The following DPP6 variants were observed in gnomAD, a reference collection of about 807,000 sequenced individuals.
DPP6 encodes the protein A-type potassium channel modulatory protein DPP6.
In DPP6, 69 loss-of-function variants were observed where a neutral mutation model predicts 122.6. That is an observed-to-expected ratio of 0.56 (90% CI 0.46 to 0.69). DPP6 has a LOEUF of 0.69. Ranked by LOEUF, DPP6 falls within the 30% of genes least tolerant of loss-of-function variation. The pLI is 0.00. For synonymous variants in DPP6, 418 were observed against 433.1 expected, an observed-to-expected ratio of 0.97 and a Z score of 0.43; for missense variants, 928 against 1,116.9, an observed-to-expected ratio of 0.83 and a Z score of 2.41.
chr7:154,830,326 G>C (rs1262099091), intron 16 of DPP6, among the ~76,000 whole-genome samples: 1 of 152,224 alleles, frequency 6.6e-6, no homozygotes, highest in East Asian at 1.9e-4. Flanking sequence ...GGAAGAGGCA[G>C]AGCCGGGGCC....
At chr7:154,165,425 GT>G (rs1481011465) in intron 1 of DPP6, among the ~76,000 whole-genome samples, 1 of 148,218 alleles carries the variant, frequency 6.7e-6, no homozygotes, top group Non-Finnish European at 1.5e-5. Flanking sequence ...ATTTGGGTTG[GT>G]TCCAAGTCTT....
At chr7:154,281,456 G>A (rs753410560) in intron 1 of DPP6, among the ~76,000 whole-genome samples, 3 of 152,088 alleles carry the variant, frequency 2.0e-5, no homozygotes, top group African/African-American at 7.2e-5. Flanking sequence ...TAAGTCCCAC[G>A]CCTCTGTTTC....
intron 16 of DPP6, among the ~76,000 whole-genome samples, chr7:154,851,350 A>T (rs1222568698): frequency 6.6e-6 from 1 of 152,246 alleles, no homozygotes; most frequent in African/African-American, 2.4e-5. Flanking sequence ...CATGCCTTTT[A>T]CTTAGTAGGC....
At chr7:153,758,381 A>G in the DPP6 span, among the ~76,000 whole-genome samples, 1 of 152,334 alleles carries the variant, frequency 6.6e-6, no homozygotes, top group African/African-American at 2.4e-5. Flanking sequence ...TTGACTGTGC[A>G]TATTTAGAAT....
At chr7:154,775,923 C>T (rs1208615670) in intron 10 of DPP6, among the ~76,000 whole-genome samples, 1 of 152,110 alleles carries the variant, frequency 6.6e-6, no homozygotes, top group Admixed American at 6.5e-5. Context: ...TTCCAGGATC[C>T]CCGGCCTCCT....
At chr7:154,507,429 C>T (rs1362352988) in intron 3 of DPP6, among the ~76,000 whole-genome samples, 1 of 152,054 alleles carries the variant, frequency 6.6e-6, no homozygotes, top group Non-Finnish European at 1.5e-5. Flanking sequence ...TAATGCTCTC[C>T]CTCCCCTTGC....
intron 1 of DPP6, among the ~76,000 whole-genome samples, chr7:154,384,717 T>C (rs1000143517): frequency 8.7e-5 from 10 of 114,334 alleles, no homozygotes; most frequent in Admixed American, 1.9e-4. Context: ...TAAGTTCTTT[T>C]TTTCTTTCTT....
intron 7 of DPP6, among the ~76,000 whole-genome samples, chr7:154,724,836 G>T (rs1453373771): frequency 6.6e-6 from 1 of 152,188 alleles, no homozygotes; most frequent in African/African-American, 2.4e-5. Flanking sequence ...GAAAGGTTCT[G>T]CAGATGGATG....
At chr7:154,728,701 C>G (rs941292215) in intron 8 of DPP6, among the ~76,000 whole-genome samples, 1 of 152,166 alleles carries the variant, frequency 6.6e-6, no homozygotes, top group African/African-American at 2.4e-5. Context: ...AGCTCTGAAG[C>G]CTGGGAAGTC....
the DPP6 span, among the ~76,000 whole-genome samples, chr7:153,777,056 A>G: frequency 6.6e-6 from 1 of 152,248 alleles, no homozygotes; most frequent in African/African-American, 2.4e-5. Context: ...TGACCAACCC[A>G]GTCAACAATG....
intron 1 of DPP6, among the ~76,000 whole-genome samples, chr7:153,933,226 T>G (rs1801257362): frequency 6.6e-6 from 1 of 152,250 alleles, no homozygotes; most frequent in South Asian, 2.1e-4. Flanking sequence ...GATTTTTTTT[T>G]TGACCAATGA....
the DPP6 span, among the ~76,000 whole-genome samples, chr7:153,826,132 C>G: frequency 6.6e-6 from 1 of 152,076 alleles, no homozygotes; most frequent in Non-Finnish European, 1.5e-5. Flanking sequence ...CTTTTAATAC[C>G]ACTGGGAAAC....
chr7:154,147,246 T>A (rs1260487558), intron 1 of DPP6, among the ~76,000 whole-genome samples: 1 of 152,172 alleles, frequency 6.6e-6, no homozygotes, highest in Non-Finnish European at 1.5e-5. Flanking sequence ...CTCACTCCTC[T>A]CTCTGTGACC....
intron 7 of DPP6, among the ~76,000 whole-genome samples, chr7:154,670,460 T>A (rs550071319): frequency 2.0e-5 from 3 of 152,334 alleles, no homozygotes; most frequent in Admixed American, 6.5e-5. Context: ...AGCCATGTAG[T>A]GAAGAATTTG....
chr7:154,740,595 G>A (rs1165867623), intron 8 of DPP6, among the ~76,000 whole-genome samples: 1 of 152,152 alleles, frequency 6.6e-6, no homozygotes, highest in African/African-American at 2.4e-5. Flanking sequence ...CCCTTTTCAT[G>A]TTTAATTATC....
chr7:154,791,054 C>T (rs879286122), intron 10 of DPP6, among the ~76,000 whole-genome samples: 11 of 152,080 alleles, frequency 7.2e-5, no homozygotes, highest in Admixed American at 1.3e-4. Context: ...GAACTTGAGA[C>T]CAGCCTGGCC....
chr7:153,919,672 A>G (rs1014388087), intron 1 of DPP6, among the ~76,000 whole-genome samples: 10 of 152,180 alleles, frequency 6.6e-5, no homozygotes, highest in African/African-American at 2.2e-4. Context: ...ATTAGCCCCA[A>G]TAGGTCTGTT....
Position 154,566,924 on chromosome 7 carries a change from T to C in DPP6, c.627+8T>C. ...TCATACAATGTGGAACCCGTGAGTATTATCCTTTACTGCCTACAAAATAAT... is the reference window on the plus strand; with the variant it reads ...TCATACAATGTGGAACCCGTGAGTACTATCCTTTACTGCCTACAAAATAAT... On this transcript the variant is annotated splice_region_variant and intron_variant, in intron 5 of 25. Transcript: ENST00000377770. 1 of 1,589,530 alleles carries C rather than the reference T, an allele frequency of 6.3e-7. No homozygotes were observed. The highest frequency in any genetic ancestry group is 8.6e-7 in the Non-Finnish European group (1 of 1,159,224).
intron 1 of DPP6, among the ~76,000 whole-genome samples, chr7:154,422,549 A>T (rs549075430): frequency 1.3e-5 from 2 of 152,260 alleles, no homozygotes; most frequent in Admixed American, 6.5e-5. Flanking sequence ...GCCAGGTCTG[A>T]TCAGCACATT....
Sources: gnomAD v4.1 joint callset for allele counts (sites outside exome capture counted in the v4.1 genomes callset) on GRCh38, gnomAD v4.1.1 for gene constraint, MANE v1.5 for transcripts, NCBI Gene and HGNC (gene_info 2026-07-23, HGNC 2026-07-21) for gene names.